Variants in CA10 observed in about 807,000 individuals in gnomAD.
CA10 encodes the protein carbonic anhydrase 10 (inactive), also known as carbonic anhydrase-related protein 10.
A neutral mutation model predicts 44.2 loss-of-function variants in CA10; 14 were observed. The observed-to-expected ratio is 0.32, with a 90% CI of 0.21 to 0.50. The LOEUF is 0.50. CA10 is among the 20% of genes least tolerant of loss of function. The probability of loss-of-function intolerance (pLI) is 0.99; values close to 1 mark genes in which losing one functional copy is unlikely to be tolerated. For synonymous variants in CA10, 159 were observed against 141.6 expected (o/e 1.12, Z -0.87); for missense variants, 350 against 409.7 (o/e 0.85, Z 1.26).
intron 2 of CA10, among the ~76,000 whole-genome samples, chr17:52,044,073 T>A (rs565144583): frequency 2.5e-4 from 38 of 152,194 alleles, no homozygotes; most frequent in South Asian, 1.2e-3. Context: ...CATTGTAAAA[T>A]TAGTTTGGGA....
intron 3 of CA10, among the ~76,000 whole-genome samples, chr17:51,921,984 G>A (rs1220491648): frequency 6.6e-6 from 1 of 152,076 alleles, no homozygotes; most frequent in African/African-American, 2.4e-5. Flanking sequence ...GAATTCTAAT[G>A]CAAACATTAG....
intron 3 of CA10, among the ~76,000 whole-genome samples, chr17:51,758,218 C>T (rs1484170919): frequency 2.0e-5 from 3 of 152,218 alleles, no homozygotes; most frequent in Non-Finnish European, 4.4e-5. Flanking sequence ...GAAATGATCA[C>T]ATGCACTGCT....
chr17:51,875,854 G>A (rs73346540), intron 3 of CA10, among the ~76,000 whole-genome samples: 4,473 of 152,096 alleles, frequency 0.029, 212 homozygotes, highest in African/African-American at 0.1. Context: ...CCTGGAGACC[G>A]CTGATTGTTA....
intron 2 of CA10, among the ~76,000 whole-genome samples, chr17:52,064,304 T>A (rs1008197224): frequency 6.6e-6 from 1 of 152,226 alleles, no homozygotes; most frequent in Non-Finnish European, 1.5e-5. Flanking sequence ...ATTTAAGCCA[T>A]GTCCAGACTT....
chr17:51,684,140 C>T (rs1441242133), intron 4 of CA10, among the ~76,000 whole-genome samples: 1 of 152,130 alleles, frequency 6.6e-6, no homozygotes, highest in Non-Finnish European at 1.5e-5. Flanking sequence ...AATAGTGGAG[C>T]AGGGAGAGCA....
chr17:51,862,901 TA>T (rs1347059505), intron 3 of CA10, among the ~76,000 whole-genome samples: 2 of 152,148 alleles, frequency 1.3e-5, no homozygotes, highest in Non-Finnish European at 2.9e-5. Flanking sequence ...CATCTAACCC[TA>T]ATTATCTACC....
chr17:52,003,951 A>C (rs966597983), intron 2 of CA10, among the ~76,000 whole-genome samples: 1 of 151,716 alleles, frequency 6.6e-6, no homozygotes, highest in Non-Finnish European at 1.5e-5. Context: ...AAAAAAAAAA[A>C]ACCCTTAACA....
At chr17:52,155,054 A>G (rs766434215) in intron 1 of CA10, among the ~76,000 whole-genome samples, 26 of 152,190 alleles carry the variant, frequency 1.7e-4, no homozygotes, top group Admixed American at 6.5e-5. Flanking sequence ...TTCAGTCAAT[A>G]TATCTTCCAC....
intron 3 of CA10, among the ~76,000 whole-genome samples, chr17:51,929,693 TTAAA>T (rs6146093): frequency 0.68 from 102,272 of 151,510 alleles, 34,855 homozygotes; most frequent in Non-Finnish European, 0.71. Context: ...GTTCACGACT[TTAAA>T]TAAATAATTC....
At chr17:51,719,637 A>G (rs1916286655) in intron 4 of CA10, among the ~76,000 whole-genome samples, 1 of 152,106 alleles carries the variant, frequency 6.6e-6, no homozygotes, top group Non-Finnish European at 1.5e-5. Flanking sequence ...TTGAAATCCC[A>G]GCACTTTGAG....
chr17:51,959,277 T>TCG (rs762697541), intron 2 of CA10, among the ~76,000 whole-genome samples: 71,304 of 132,474 alleles, frequency 0.54, 19,430 homozygotes, highest in South Asian at 0.57. Flanking sequence ...TCTCGCTCTC[T>TCG]CTCTCTGTGT....
chr17:51,633,385 T>C, intron 8 of CA10, 91 bp downstream of exon 8: 2 of 1,198,300 alleles, frequency 1.7e-6, no homozygotes, highest in South Asian at 3.3e-5. Flanking sequence ...ATTCCTATAA[T>C]GGAAGATAAT....
chr17:51,763,088 T>C (rs544535760), intron 3 of CA10: 2 of 152,324 alleles, frequency 1.3e-5, no homozygotes, highest in South Asian at 4.1e-4. Flanking sequence ...GTCATGATTA[T>C]CAAGTAGCTC....
At chr17:51,971,798 C>G (rs780355618) in intron 2 of CA10, among the ~76,000 whole-genome samples, 1 of 151,834 alleles carries the variant, frequency 6.6e-6, no homozygotes, top group Non-Finnish European at 1.5e-5. Context: ...TGCTAGAGAT[C>G]TATTTTATTA....
At chr17:52,074,873 T>A (rs1050654996) in intron 1 of CA10, among the ~76,000 whole-genome samples, 1 of 152,090 alleles carries the variant, frequency 6.6e-6, no homozygotes. Context: ...CATTTTTAAA[T>A]GGTTGAAAAA....
intron 3 of CA10, among the ~76,000 whole-genome samples, chr17:51,787,473 G>T (rs1445255068): frequency 6.6e-6 from 1 of 150,968 alleles, no homozygotes; most frequent in East Asian, 1.9e-4. Context: ...TGATATCATG[G>T]TTTTTTCTAT....
rs114616061 is a variant in CA10 at position 51,903,121 on chromosome 17, T to C, written c.279+27869A>G. Among the ~76,000 whole-genome samples the C allele has an allele frequency of 3.6e-3, 542 of 152,262 alleles. 2 individuals are homozygous for C. The highest frequency in any genetic ancestry group is 0.013 in the African/African-American group (528 of 41,568). Reference sequence around the variant, plus strand: ...AAACTTAAGATTGACCAAATGATTATACAGACGTACATTAAATCAGAAGTG... The same window carrying C: ...AAACTTAAGATTGACCAAATGATTACACAGACGTACATTAAATCAGAAGTG... On this transcript the variant is annotated intron_variant, in intron 3 of 8. Transcript: ENST00000451037.
intron 3 of CA10, among the ~76,000 whole-genome samples, chr17:51,910,220 T>G (rs753152692): frequency 1.3e-5 from 2 of 151,976 alleles, no homozygotes; most frequent in Non-Finnish European, 2.9e-5. Flanking sequence ...ATGTACTCAA[T>G]CCCCCTTGAT....
In CA10 at chr17:51,859,755, C is replaced by T. The variant is rs370235447; in HGVS notation, c.279+71235G>A. On this transcript the variant is annotated intron_variant, in intron 3 of 8. Transcript: ENST00000451037. ...TTTGTGAAGACTAAAAGACGTGATG[C>T]AAAAGGGCATTGTAAAGTATAAAGA... Among the ~76,000 whole-genome samples the T allele has an allele frequency of 3.4e-4, 51 of 152,152 alleles. 3 individuals are homozygous for T. The highest frequency in any genetic ancestry group is 1.2e-3 in the African/African-American group (48 of 41,502).
Sources: gnomAD v4.1 joint callset for allele counts (sites outside exome capture counted in the v4.1 genomes callset) on GRCh38, gnomAD v4.1.1 for gene constraint, MANE v1.5 for transcripts, NCBI Gene and HGNC (gene_info 2026-07-23, HGNC 2026-07-21) for gene names.